The following RAB3C variants were observed in gnomAD, a reference collection of about 807,000 sequenced individuals.
RAB3C encodes the protein ras-related protein Rab-3C.
RAB3C carries 17 observed loss-of-function variants against 26.4 expected under a neutral mutation model. That is an observed-to-expected ratio of 0.64 (90% CI 0.44 to 0.97). The LOEUF is 0.97. Ranked by LOEUF, RAB3C falls within the 50% of genes least tolerant of loss-of-function variation. The probability of loss-of-function intolerance (pLI) is 0.00; values close to 1 mark genes in which losing one functional copy is unlikely to be tolerated. For missense variants in RAB3C, 242 were observed against 281.9 expected, an observed-to-expected ratio of 0.86 and a Z score of 1.01; for synonymous variants, 91 against 95.9, an observed-to-expected ratio of 0.95 and a Z score of 0.30.
intron 1 of RAB3C, among the ~76,000 whole-genome samples, chr5:58,615,993 C>CACACACACACACACACACACCCCT (rs1444818998): frequency 1.3e-4 from 20 of 151,542 alleles, no homozygotes; most frequent in African/African-American, 4.6e-4. Context: ...CAGACACACA[C>CACACACACACACACACACACCCCT]ACACACACAC....
intron 1 of RAB3C, among the ~76,000 whole-genome samples, chr5:58,609,095 C>T (rs1746635933): frequency 6.6e-6 from 1 of 151,904 alleles, no homozygotes; most frequent in Non-Finnish European, 1.5e-5. Context: ...ATGTAAATGA[C>T]GTGTTAATGG....
chr5:58,602,770 G>A (rs1340128162), intron 1 of RAB3C, among the ~76,000 whole-genome samples: 1 of 152,306 alleles, frequency 6.6e-6, no homozygotes, highest in African/African-American at 2.4e-5. Context: ...GAGATAGTTG[G>A]TTGGTGAGTT....
At position 58,848,908 on chromosome 5, in the gene RAB3C, T is replaced by A. The variant is rs531036287; in HGVS notation, c.497-2256T>A. 1.9e-3 allele frequency among the ~76,000 whole-genome samples: 295 copies of A among 152,332 alleles called. 1 individual carries two copies. The highest frequency in any genetic ancestry group is 3.6e-3 in the Non-Finnish European group (246 of 68,032). ...ATATCATGATGTCTCCTTCTCAGCA[T>A]GCTGAATAAATAGGTGCCATTATTT... is the stretch of plus-strand genomic sequence containing the variant. On this transcript the variant is annotated intron_variant, in intron 4 of 4. Coordinates refer to ENST00000282878, the MANE Select transcript of RAB3C (RefSeq NM_138453.4).
At chr5:58,647,377 A>G (rs1204074006) in intron 2 of RAB3C, among the ~76,000 whole-genome samples, 2 of 152,142 alleles carry the variant, frequency 1.3e-5, no homozygotes, top group Admixed American at 6.5e-5. Flanking sequence ...GAGTGAGAAA[A>G]GGAGGAACTT....
At chr5:58,838,896 T>C (rs1743809195) in intron 4 of RAB3C, among the ~76,000 whole-genome samples, 4 of 152,202 alleles carry the variant, frequency 2.6e-5, no homozygotes, top group Admixed American at 2.6e-4. Flanking sequence ...GTCAGGTGCA[T>C]ATATATTTAT....
intron 3 of RAB3C, among the ~76,000 whole-genome samples, chr5:58,814,359 C>T (rs1019828620): frequency 4.6e-5 from 7 of 152,128 alleles, no homozygotes; most frequent in African/African-American, 1.4e-4. Flanking sequence ...CAGGCTTTGG[C>T]TGAATGTCTG....
chr5:58,815,198 T>G lies in RAB3C; in HGVS notation c.372-9840T>G, dbSNP rs190451674. Among the ~76,000 whole-genome samples, 4 of 152,306 alleles carry G rather than the reference T, an allele frequency of 2.6e-5. No individual in the cohort carries two copies. The East Asian group carries it at 7.7e-4, about 29-fold the overall frequency. ...CCACATTCAACACAATGTAGGCACT[T>G]TCCCTCCTGTGCAAGCAGACAGCAC... On this transcript the variant is annotated intron_variant, in intron 3 of 4. Transcript: ENST00000282878.
At chr5:58,831,358 C>A (rs1743609948) in intron 4 of RAB3C, among the ~76,000 whole-genome samples, 1 of 152,154 alleles carries the variant, frequency 6.6e-6, no homozygotes, top group African/African-American at 2.4e-5. Flanking sequence ...GATAAATTAT[C>A]CTAAATCAAC....
chr5:58,788,395 C>T (rs1742442096), intron 3 of RAB3C: 1 of 152,230 alleles, frequency 6.6e-6, no homozygotes, highest in Admixed American at 6.5e-5. Context: ...TGGTCCATTT[C>T]CATCTCATCC....
chr5:58,628,030 G>A (rs898761926), intron 2 of RAB3C, among the ~76,000 whole-genome samples: 1 of 151,722 alleles, frequency 6.6e-6, no homozygotes, highest in South Asian at 2.1e-4. Flanking sequence ...GGTGGCAGGC[G>A]CCTGTAGTCC....
rs987584240 is a variant in RAB3C at position 58,725,975 on chromosome 5, G to C, written c.253-27G>C. The C allele has an allele frequency of 3.0e-6, 4 of 1,333,152 alleles. No individual in the cohort carries two copies. In the African/African-American group the frequency reaches 6.0e-5, roughly 20 times the overall value. 82.6% of individuals were successfully genotyped at this position (1,333,152 alleles called of 1,614,324 possible). The stretch of plus-strand genomic sequence containing the variant: ...AAAATGTATTGCCTTATTTCTGAGA[G>C]ATTATCATTTTTTTTTTATTCTTTA... On this transcript the variant is annotated intron_variant, in intron 2 of 4. Transcript: ENST00000282878.
At position 58,734,397 on chromosome 5, in the gene RAB3C, C is replaced by T. The variant is rs180714205; in HGVS notation, c.371+8277C>T. On this transcript the variant is annotated intron_variant, in intron 3 of 4. Coordinates refer to ENST00000282878, the MANE Select transcript of RAB3C (RefSeq NM_138453.4). ...CTAAAAGGTCAGTTCTGTGTCACAG[C>T]TCAGAGGGGGCAGTGGTGGGATGAG... Among the ~76,000 whole-genome samples, 31 of 152,250 alleles carry T rather than the reference C, an allele frequency of 2.0e-4. No individual in the cohort carries two copies. In the East Asian group the frequency reaches 5.8e-3, roughly 28 times the overall value.
Position 58,854,073 on chromosome 5 carries a change from A to ACT in RAB3C, c.*2723_*2724dup, listed in dbSNP as rs1322232544. The ACT allele has an allele frequency of 6.6e-6, 1 of 150,810 alleles. No individual in the cohort carries two copies. The highest frequency in any genetic ancestry group is 1.5e-5 in the Non-Finnish European group (1 of 67,750). 9.3% of individuals were successfully genotyped at this position (150,810 alleles called of 1,614,324 possible). A position where few individuals can be genotyped will look rare whatever the true frequency, so the allele number is the denominator to read the frequency against. On this transcript the variant is annotated 3_prime_UTR_variant, in exon 5 of 5. Transcript: ENST00000282878. ...CACACACACACACACACACACACAC[A>ACT]CTATACCATCATCTATCAATAGTCT...
chr5:58,672,252 G>A lies in RAB3C; in HGVS notation c.253-53750G>A, dbSNP rs16888394. 4.5e-3 allele frequency among the ~76,000 whole-genome samples: 680 copies of A among 152,266 alleles called. 9 individuals carry two copies. The highest frequency in any genetic ancestry group is 0.015 in the African/African-American group (638 of 41,524). ...AAGAACTGCAGAAACGGCACACTAA[G>A]CAAGGGGCACAGGTGATCCCCTGGG... On this transcript the variant is annotated intron_variant, in intron 2 of 4. Transcript: ENST00000282878.
chr5:58,741,706 T>TA lies in RAB3C; in HGVS notation c.371+15593dup, dbSNP rs575656701. 1,096 of 152,146 alleles carry TA rather than the reference T, an allele frequency of 7.2e-3. 13 individuals carry two copies. The highest frequency in any genetic ancestry group is 0.014 in the Middle Eastern group (4 of 294). The allele number at this position is 152,146 out of a possible 1,614,324, so 9.4% of individuals were successfully genotyped here. On this transcript the variant is annotated intron_variant, in intron 3 of 4. Transcript: ENST00000282878. ...AAAACACTCACAGAAAACTAGATGT[T>TA]AAAAAAAGGATAAGTTGGCCAGGTG...
At chr5:58,649,422 TC>T (rs1229960529) in intron 2 of RAB3C, among the ~76,000 whole-genome samples, 2 of 151,996 alleles carry the variant, frequency 1.3e-5, no homozygotes, top group African/African-American at 4.8e-5. Flanking sequence ...TCAGATCTCT[TC>T]CTTTGGACCT....
chr5:58,587,834 T>TG (rs1337976891), intron 1 of RAB3C, among the ~76,000 whole-genome samples: 1 of 152,172 alleles, frequency 6.6e-6, no homozygotes, highest in Non-Finnish European at 1.5e-5. Flanking sequence ...CCTCTCTCCC[T>TG]GGGAAGGTTC....
chr5:58,740,965 C>T (rs1176001359), intron 3 of RAB3C, among the ~76,000 whole-genome samples: 1 of 152,188 alleles, frequency 6.6e-6, no homozygotes, highest in Non-Finnish European at 1.5e-5. Context: ...CTCAGGGCCA[C>T]CCTCACTTCT....
At position 58,851,334 on chromosome 5, in the gene RAB3C, C is replaced by A; in HGVS notation, c.667C>A (p.Pro223Thr). 2 of 1,604,504 alleles carry A rather than the reference C, an allele frequency of 1.2e-6. No individual in the cohort carries two copies. Among genetic ancestry groups the A allele is most frequent in the Non-Finnish European group, 1.7e-6 (2 of 1,176,430 alleles). The change falls in exon 5 of 5, where the codon CCC becomes ACC. Residue 223 changes from proline to threonine, a missense_variant. Pro to Thr is a conservative substitution (Grantham distance 38). Transcript: ENST00000282878. ...RLKETPPPPQ[P>T]NCAC ...CAAGGAAACTCCTCCTCCACCGCAG[C>A]CCAACTGTGCCTGCTAGTGTCCCCG...
Sources: allele counts gnomAD v4.1 joint callset (sites outside exome capture counted in the v4.1 genomes callset), GRCh38; gene constraint gnomAD v4.1.1; transcripts MANE v1.5; gene names NCBI Gene and HGNC (gene_info 2026-07-23, HGNC 2026-07-21).